Variants in CD99 observed in about 807,000 individuals in gnomAD.
The protein encoded by CD99 is CD99 molecule (Xg blood group).
In CD99, 19 loss-of-function variants were observed where a neutral mutation model predicts 28.4. The ratio of observed to expected loss-of-function variants is 0.67; its 90% CI spans 0.47 to 0.98. The LOEUF (loss-of-function observed/expected upper bound fraction) is 0.98. CD99 is among the 50% of genes least tolerant of loss of function. The pLI is 0.00. For synonymous variants in CD99, 103 were observed against 92.1 expected, an observed-to-expected ratio of 1.12 and a Z score of -0.67; for missense variants, 283 against 248.8, an observed-to-expected ratio of 1.14 and a Z score of -0.92.
chrX:2,732,801 CCTTT>C lies in CD99; in HGVS notation c.476-5394_476-5391del, dbSNP rs765582209. Among the ~76,000 whole-genome samples, 159 of 148,798 alleles carry C rather than the reference CCTTT, an allele frequency of 1.1e-3. 2 individuals carry two copies. In the East Asian group the frequency reaches 0.022, roughly 21 times the overall value. ...CCATCCCTTCCTCCTTTCCTTCCTT[CCTTT>C]CTTTTTTTCCTCTCTATTCTTTGTC... is the stretch of plus-strand genomic sequence containing the variant. On this transcript the variant is annotated intron_variant, in intron 8 of 9. Transcript: ENST00000381192.
At chrX:2,694,597 A>G (rs1388302491) in intron 1 of CD99, among the ~76,000 whole-genome samples, 2 of 152,122 alleles carry the variant, frequency 1.3e-5, no homozygotes, top group African/African-American at 2.4e-5. Context: ...TACTAAAAAT[A>G]CAAAAATTAG....
At chrX:2,695,838 T>C (rs1340255455) in intron 1 of CD99, among the ~76,000 whole-genome samples, 1 of 152,064 alleles carries the variant, frequency 6.6e-6, no homozygotes, top group Non-Finnish European at 1.5e-5. Context: ...TTCACCCTGT[T>C]GGACAGGCTG....
chrX:2,739,986 G>C (rs2124342938), intron 9 of CD99, among the ~76,000 whole-genome samples: 1 of 149,988 alleles, frequency 6.7e-6, no homozygotes, highest in South Asian at 2.1e-4. Context: ...CAGCTACTCA[G>C]AAGGCTGAGG....
intron 1 of CD99, among the ~76,000 whole-genome samples, chrX:2,704,375 A>C (rs1266318264): frequency 6.6e-6 from 1 of 152,064 alleles, no homozygotes; most frequent in African/African-American, 2.4e-5. Context: ...ACCTTAGGCC[A>C]CCGCAGACAA....
chrX:2,710,134 C>T (rs2048329451), intron 1 of CD99, among the ~76,000 whole-genome samples: 1 of 151,200 alleles, frequency 6.6e-6, no homozygotes, highest in African/African-American at 2.4e-5. Context: ...GGCAGCTGGG[C>T]ATGGGAGTGC....
intron 8 of CD99, chrX:2,727,302 C>T: frequency 2.6e-6 from 2 of 779,254 alleles, no homozygotes; most frequent in Non-Finnish European, 2.4e-6. Flanking sequence ...GGTCAGCTGG[C>T]AGGCTCTTTG....
intron 2 of CD99, among the ~76,000 whole-genome samples, chrX:2,717,126 CACCT>C (rs2048761797): frequency 6.6e-6 from 1 of 152,114 alleles, no homozygotes; most frequent in Non-Finnish European, 1.5e-5. Flanking sequence ...GTGGGTGGAT[CACCT>C]GAGGTCAGGA....
At chrX:2,713,010 A>G (rs927273926) in intron 1 of CD99, among the ~76,000 whole-genome samples, 1 of 151,844 alleles carries the variant, frequency 6.6e-6, no homozygotes, top group African/African-American at 2.4e-5. Flanking sequence ...ACACCCACAC[A>G]GGCACAAACA....
intron 1 of CD99, among the ~76,000 whole-genome samples, chrX:2,710,969 C>T (rs2048373357): frequency 1.4e-5 from 2 of 140,960 alleles, no homozygotes; most frequent in African/African-American, 2.7e-5. Flanking sequence ...TTCCCGGATT[C>T]AAGCGATTTT....
At chrX:2,706,727 C>G (rs780569049) in intron 1 of CD99, among the ~76,000 whole-genome samples, 1 of 152,176 alleles carries the variant, frequency 6.6e-6, no homozygotes, top group African/African-American at 2.4e-5. Context: ...TAAATGATGT[C>G]CCTGGCTGCT....
At position 2,711,836 on chromosome X, in the gene CD99, T is replaced by A. The variant is rs180720252; in HGVS notation, c.68-2586T>A. On this transcript the variant is annotated intron_variant, in intron 1 of 9. Transcript: ENST00000381192. ...AGGTGGATCACCTGAGGTCAGGAGTTCAAGACCAGCCTGGCCAACATGGTG... is the reference window on the plus strand; with the variant it reads ...AGGTGGATCACCTGAGGTCAGGAGTACAAGACCAGCCTGGCCAACATGGTG... Among the ~76,000 whole-genome samples, 13 of 152,034 alleles carry A rather than the reference T, an allele frequency of 8.6e-5. No homozygotes were observed. The East Asian group carries it at 2.3e-3, about 27-fold the overall frequency.
intron 8 of CD99, among the ~76,000 whole-genome samples, chrX:2,736,046 C>G (rs2049917105): frequency 6.6e-6 from 1 of 151,636 alleles, no homozygotes; most frequent in Non-Finnish European, 1.5e-5. Context: ...ACTAAAAATA[C>G]AAAAAATTAG....
Position 2,740,911 on chromosome X carries a change from G to C in CD99, c.*107G>C. ...CTGAGAGCAGAGATGGAGGCCTTCT[G>C]TTCACGGCGGATTCTTTGTTTTAAT... is the stretch of plus-strand genomic sequence containing the variant. On this transcript the variant is annotated 3_prime_UTR_variant, in exon 10 of 10. Transcript: ENST00000381192. 1 of 1,170,464 alleles carries C rather than the reference G, an allele frequency of 8.5e-7. No homozygotes were observed. The highest frequency in any genetic ancestry group is 1.3e-6 in the Non-Finnish European group (1 of 777,664). 72.5% of individuals were successfully genotyped at this position (1,170,464 alleles called of 1,614,324 possible).
intron 1 of CD99, among the ~76,000 whole-genome samples, chrX:2,700,576 C>A (rs190399823): frequency 6.6e-6 from 1 of 151,696 alleles, no homozygotes; most frequent in African/African-American, 2.4e-5. Context: ...ATCCATCCAT[C>A]CATCCATCCG....
intron 1 of CD99, chrX:2,692,223 TATGTTATAAATTCTTTTTTC>T (rs1469275708): frequency 3.1e-5 from 13 of 423,928 alleles, no homozygotes; most frequent in East Asian, 4.8e-5. Context: ...CCGGATGTGG[TATGTTATAAATTCTTTTTTC>T]ATGTTATAAA....
chrX:2,719,565 T>C (rs1246596662), intron 3 of CD99, 96 bp from the exon 4 acceptor site: 2 of 948,810 alleles, frequency 2.1e-6, no homozygotes, highest in Non-Finnish European at 3.4e-6. Flanking sequence ...TATTTAGGAA[T>C]GTGGGGCCGT....
Position 2,722,643 on chromosome X carries a change from T to C in CD99, c.279T>C (p.Ala93=), listed in dbSNP as rs2049049619. The C allele has an allele frequency of 6.2e-7, 1 of 1,614,026 alleles. No individual in the cohort carries two copies. Among genetic ancestry groups the C allele is most frequent in the Middle Eastern group, 1.7e-4 (1 of 6,056 alleles). Residue 93 remains alanine, a synonymous_variant, in exon 6 of 10, where the codon GCT becomes GCC. Coordinates refer to ENST00000381192, the MANE Select transcript of CD99 (RefSeq NM_002414.5). ...CTTTCCTAGGTAGCTTTTCAGATGC[T>C]GACCTTGCGGATGGCGTTTCAGGTG... ...HPSSSGSFSD[A]DLADGVSGGE...
intron 8 of CD99, chrX:2,733,350 A>G (rs181674780): frequency 1.8e-5 from 29 of 1,586,618 alleles, no homozygotes; most frequent in Admixed American, 1.8e-5. Context: ...TCAACCTTCC[A>G]TTTCAGATGG....
At chrX:2,720,700 C>G (rs1044557417) in intron 5 of CD99, among the ~76,000 whole-genome samples, 2 of 138,170 alleles carry the variant, frequency 1.4e-5, no homozygotes, top group African/African-American at 2.7e-5. Context: ...TCTTGGCTCA[C>G]TGCAACCTCC....
Sources: allele counts gnomAD v4.1 joint callset (sites outside exome capture counted in the v4.1 genomes callset), GRCh38; gene constraint gnomAD v4.1.1; transcripts MANE v1.5; gene names NCBI Gene and HGNC (gene_info 2026-07-23, HGNC 2026-07-21).